The following GFRAL variants were observed in gnomAD, a reference collection of about 807,000 sequenced individuals.
GFRAL encodes the protein GDNF family receptor alpha-like.
GFRAL carries 36 observed loss-of-function variants against 45.4 expected under a neutral mutation model. The observed-to-expected ratio is 0.79, with a 90% CI of 0.61 to 1.05. GFRAL has a LOEUF of 1.05. Among genes scored for constraint, GFRAL ranks in the 50% least tolerant of loss-of-function variants. GFRAL has a pLI of 0.00. For synonymous variants in GFRAL, 166 were observed against 154.1 expected (o/e 1.08, Z -0.57); for missense variants, 507 against 467.5 (o/e 1.08, Z -0.78).
At chr6:55,338,091 T>TTAG (rs1303457788) in intron 3 of GFRAL, among the ~76,000 whole-genome samples, 5 of 148,352 alleles carry the variant, frequency 3.4e-5, no homozygotes, top group Admixed American at 3.3e-4. Flanking sequence ...ATTTATTTTA[T>TTAG]TATTATTATT....
chr6:55,356,077 C>T (rs955882289), intron 5 of GFRAL, among the ~76,000 whole-genome samples: 7 of 152,016 alleles, frequency 4.6e-5, no homozygotes, highest in East Asian at 1.9e-4. Context: ...ATAAATCCCA[C>T]GTGGTCATGA....
At chr6:55,401,333 A>T (rs1441073350) in intron 8 of GFRAL, among the ~76,000 whole-genome samples, 1 of 152,222 alleles carries the variant, frequency 6.6e-6, no homozygotes, top group Non-Finnish European at 1.5e-5. Flanking sequence ...ATCATTGGCA[A>T]CAAAACCTGT....
In GFRAL at chr6:55,351,478, A is replaced by G. The variant is rs377644506; in HGVS notation, c.596A>G (p.Gln199Arg). 3.8e-5 allele frequency: 61 copies of G among 1,613,506 alleles called. No individual in the cohort carries two copies. The highest frequency in any genetic ancestry group is 5.1e-5 in the Non-Finnish European group (60 of 1,179,726). ...CDCAQSDIPCQQSKEALHSKT... is the reference protein window; with the variant it reads ...CDCAQSDIPCRQSKEALHSKT... ...TGTGCTCAATCTGATATACCTTGTC[A>G]GCAGTCCAAAGAAGCTCTTCACAGC... The change falls in exon 5 of 9, where the codon CAG becomes CGG. Residue 199 changes from glutamine (Q) to arginine (R), a missense_variant. Transcript: ENST00000340465.
chr6:55,394,013 A>AATAAAG (rs1375496838), intron 6 of GFRAL, among the ~76,000 whole-genome samples: 5 of 152,208 alleles, frequency 3.3e-5, no homozygotes, highest in African/African-American at 1.2e-4. Context: ...AATGAGGAAG[A>AATAAAG]ATAAAGATAC....
intron 6 of GFRAL, among the ~76,000 whole-genome samples, chr6:55,379,327 C>T (rs1479648280): frequency 6.6e-6 from 1 of 151,846 alleles, no homozygotes; most frequent in East Asian, 1.9e-4. Flanking sequence ...CCTCCCCCAT[C>T]AGGGAGACCC....
At chr6:55,380,545 C>T (rs1387939732) in intron 6 of GFRAL, among the ~76,000 whole-genome samples, 1 of 151,878 alleles carries the variant, frequency 6.6e-6, no homozygotes, top group East Asian at 1.9e-4. Flanking sequence ...GATTTTCAAG[C>T]AAGTCTGGGA....
intron 6 of GFRAL, among the ~76,000 whole-genome samples, chr6:55,386,814 C>G (rs944163088): frequency 6.6e-6 from 1 of 152,142 alleles, no homozygotes; most frequent in African/African-American, 2.4e-5. Flanking sequence ...CTCAAAAATT[C>G]CCAATAAAAT....
chr6:55,343,566 A>G (rs929452534), intron 3 of GFRAL, among the ~76,000 whole-genome samples: 1 of 152,090 alleles, frequency 6.6e-6, no homozygotes, highest in Non-Finnish European at 1.5e-5. Context: ...ATGCCCACAA[A>G]AGAAAGCAGG....
chr6:55,328,270 C>T (rs1271431092), intron 1 of GFRAL, among the ~76,000 whole-genome samples: 1 of 151,926 alleles, frequency 6.6e-6, no homozygotes, highest in Admixed American at 6.6e-5. Flanking sequence ...TATTTTATAT[C>T]TTCTTTAGCA....
intron 6 of GFRAL, among the ~76,000 whole-genome samples, chr6:55,393,892 TG>T (rs1768787423): frequency 6.6e-6 from 1 of 152,150 alleles, no homozygotes. Context: ...TTGCTTTCCT[TG>T]TAGTCAGGCA....
At chr6:55,343,000 A>C (rs1449706205) in intron 3 of GFRAL, among the ~76,000 whole-genome samples, 1 of 152,198 alleles carries the variant, frequency 6.6e-6, no homozygotes, top group Non-Finnish European at 1.5e-5. Context: ...ATATGCACCC[A>C]ATACAGGAGC....
At chr6:55,359,883 G>C (rs1768250670) in intron 6 of GFRAL, among the ~76,000 whole-genome samples, 1 of 151,838 alleles carries the variant, frequency 6.6e-6, no homozygotes, top group Admixed American at 6.6e-5. Context: ...GAATATTCAA[G>C]GTCAGATTAA....
intron 7 of GFRAL, 30 bp from the exon 8 acceptor site, chr6:55,399,339 T>C (rs368127361): frequency 3.9e-5 from 61 of 1,568,102 alleles, no homozygotes; most frequent in Middle Eastern, 3.4e-4. Context: ...ATCCAGTGAC[T>C]ATTATTTCTT....
chr6:55,349,575 C>T (rs971194873), intron 3 of GFRAL, among the ~76,000 whole-genome samples: 1 of 151,998 alleles, frequency 6.6e-6, no homozygotes, highest in Admixed American at 6.6e-5. Flanking sequence ...ATTAGATGAA[C>T]ACCGAGTTCA....
chr6:55,377,918 C>T (rs2127362341), intron 6 of GFRAL, among the ~76,000 whole-genome samples: 1 of 152,140 alleles, frequency 6.6e-6, no homozygotes, highest in Non-Finnish European at 1.5e-5. Flanking sequence ...AGATGCAATA[C>T]TGAGTTGTTT....
chr6:55,341,710 T>C (rs1322647527), intron 3 of GFRAL, among the ~76,000 whole-genome samples: 1 of 152,000 alleles, frequency 6.6e-6, no homozygotes, highest in Non-Finnish European at 1.5e-5. Context: ...AGGTTTCAGA[T>C]GATCAAACTT....
At chr6:55,342,819 A>G (rs1185866989) in intron 3 of GFRAL, among the ~76,000 whole-genome samples, 1 of 151,860 alleles carries the variant, frequency 6.6e-6, no homozygotes, top group Non-Finnish European at 1.5e-5. Flanking sequence ...TCAAAATAAA[A>G]GGATGGAGGA....
chr6:55,369,619 A>T (rs566385279), intron 6 of GFRAL, among the ~76,000 whole-genome samples: 171 of 152,320 alleles, frequency 1.1e-3, no homozygotes, highest in African/African-American at 3.8e-3. Context: ...ATGTACTGGC[A>T]TTTGAATAGA....
chr6:55,379,323 C>G (rs1475374744), intron 6 of GFRAL, among the ~76,000 whole-genome samples: 2 of 151,840 alleles, frequency 1.3e-5, no homozygotes, highest in African/African-American at 4.8e-5. Context: ...CCTCCCTCCC[C>G]CATCAGGGAG....
Sources: allele counts gnomAD v4.1 joint callset (sites outside exome capture counted in the v4.1 genomes callset), GRCh38; gene constraint gnomAD v4.1.1; transcripts MANE v1.5; gene names NCBI Gene and HGNC (gene_info 2026-07-23, HGNC 2026-07-21).